The following VGLL4 variants were observed in gnomAD, a reference collection of about 807,000 sequenced individuals.
The protein encoded by VGLL4 is vestigial like family member 4, also known as transcription cofactor vestigial-like protein 4.
VGLL4 carries 7 observed loss-of-function variants against 21.0 expected under a neutral mutation model. That is an observed-to-expected ratio of 0.33 (90% CI 0.19 to 0.63). The LOEUF (loss-of-function observed/expected upper bound fraction) is 0.63, where lower values mean the gene tolerates loss of function less well. Ranked by LOEUF, VGLL4 falls within the 20% of genes least tolerant of loss-of-function variation. VGLL4 has a pLI of 0.78. For synonymous variants in VGLL4, 222 were observed against 173.2 expected, an observed-to-expected ratio of 1.28 and a Z score of -2.21; for missense variants, 394 against 425.7, an observed-to-expected ratio of 0.93 and a Z score of 0.66.
chr3:11,582,462 C>G (rs946270463), intron 2 of VGLL4: 4 of 1,230,236 alleles, frequency 3.3e-6, no homozygotes, highest in Admixed American at 5.3e-5. Flanking sequence ...TGCTTGCCCC[C>G]TGCACTGCAA....
At chr3:11,681,982 G>A (rs771425287) in intron 2 of VGLL4, among the ~76,000 whole-genome samples, 3 of 152,202 alleles carry the variant, frequency 2.0e-5, no homozygotes, top group Admixed American at 1.3e-4. Flanking sequence ...GATTTAGGCC[G>A]GGCACAGTGG....
rs142310753 is a variant in VGLL4 at position 11,558,658 on chromosome 3, G to C, written c.789C>G (p.Asp263Glu). ...CGGACTCAGGGCTGCTGGATGCTCC[G>C]TCCTTGGCCGCTTTGATCTGGAGCC... ...DTWLQIKAAKDGASSSPESAS... is the reference protein window; with the variant it reads ...DTWLQIKAAKEGASSSPESAS... The change falls in exon 5 of 5, where the codon GAC becomes GAG. Residue 263 changes from aspartate (D) to glutamate (E), a missense_variant. Transcript: ENST00000430365. 1 of 1,612,716 alleles carries C rather than the reference G, an allele frequency of 6.2e-7. No homozygotes were observed. Among genetic ancestry groups the C allele is most frequent in the Non-Finnish European group, 8.5e-7 (1 of 1,180,018 alleles).
intron 2 of VGLL4, among the ~76,000 whole-genome samples, chr3:11,658,629 T>G (rs2075989997): frequency 8.9e-6 from 1 of 112,204 alleles, no homozygotes; most frequent in Non-Finnish European, 1.8e-5. Flanking sequence ...ATACGCGAAC[T>G]ATTCCTGGAT....
intron 2 of VGLL4, among the ~76,000 whole-genome samples, chr3:11,657,077 T>C (rs1251821374): frequency 1.3e-5 from 2 of 152,170 alleles, no homozygotes; most frequent in Non-Finnish European, 2.9e-5. Context: ...AAAAGAGCAC[T>C]GGATACAGAG....
At chr3:11,604,280 T>A in intron 1 of VGLL4, 1 of 676,590 alleles carries the variant, frequency 1.5e-6, no homozygotes, top group Non-Finnish European at 1.7e-6. Context: ...TTTGCCTCAT[T>A]TGATGGATGA....
Position 11,714,866 on chromosome 3 carries a change from TGGC to T in VGLL4, c.-14+5525_-14+5527del, listed in dbSNP as rs370711587. The stretch of plus-strand genomic sequence containing the variant: ...AAAGATGAATTTGGGCTGGGCGCAG[TGGC>T]TCACGCCTGTAACCCCAGCAGTTTG... On this transcript the variant is annotated intron_variant, in intron 1 of 5. Coordinates refer to the VGLL4 transcript ENST00000273038. Among the ~76,000 whole-genome samples the T allele has an allele frequency of 3.0e-4, 45 of 152,308 alleles. No homozygotes were observed. The East Asian group carries it at 8.7e-3, about 29-fold the overall frequency.
chr3:11,588,675 AG>A (rs1181474431), intron 2 of VGLL4, among the ~76,000 whole-genome samples: 1 of 152,266 alleles, frequency 6.6e-6, no homozygotes, highest in African/African-American at 2.4e-5. Flanking sequence ...AGGCAATGAC[AG>A]GAGGAAGGAG....
At chr3:11,606,623 C>T (rs532877875) in intron 1 of VGLL4, among the ~76,000 whole-genome samples, 1 of 152,242 alleles carries the variant, frequency 6.6e-6, no homozygotes, top group African/African-American at 2.4e-5. Context: ...CCAATCAGTG[C>T]TCTGTGGCTA....
intron 2 of VGLL4, among the ~76,000 whole-genome samples, chr3:11,657,636 T>A (rs1037693154): frequency 6.6e-6 from 1 of 152,260 alleles, no homozygotes; most frequent in South Asian, 2.1e-4. Flanking sequence ...AATGAAGAGA[T>A]CTAAAACTCC....
intron 2 of VGLL4, among the ~76,000 whole-genome samples, chr3:11,587,122 G>C (rs1189422297): frequency 6.6e-6 from 1 of 152,236 alleles, no homozygotes; most frequent in African/African-American, 2.4e-5. Flanking sequence ...GCCATCTTCT[G>C]AGTAATAATA....
rs536980172 is a variant in VGLL4 at position 11,598,746 on chromosome 3, C to A, written c.272+3087G>T. Among the ~76,000 whole-genome samples, 72 of 152,320 alleles carry A rather than the reference C, an allele frequency of 4.7e-4. No individual in the cohort carries two copies. In the Middle Eastern group the frequency reaches 0.01, roughly 22 times the overall value. On this transcript the variant is annotated intron_variant, in intron 2 of 4. Transcript: ENST00000430365. ...GGCTCAAGCAATCTGCCTGCCTCAG[C>A]CTCCTAAAGTGCTGGAATTACAGGC...
chr3:11,646,417 G>A (rs6792587), upstream of VGLL4, among the ~76,000 whole-genome samples: 13,899 of 152,118 alleles, frequency 0.091, 771 homozygotes, highest in South Asian at 0.17. Context: ...TTAGAACCAG[G>A]GGGGAGCTTT....
chr3:11,632,010 T>C (rs1258276388), intron 1 of VGLL4, among the ~76,000 whole-genome samples: 4 of 152,162 alleles, frequency 2.6e-5, no homozygotes, highest in Non-Finnish European at 5.9e-5. Context: ...AATCCATCAA[T>C]TTCTTAAGCC....
intron 2 of VGLL4, among the ~76,000 whole-genome samples, chr3:11,601,203 A>G (rs2074787685): frequency 6.6e-6 from 1 of 152,236 alleles, no homozygotes; most frequent in Non-Finnish European, 1.5e-5. Flanking sequence ...CTGAGGCCCA[A>G]AGAGTTGAAG....
chr3:11,672,812 C>G (rs1004546993), intron 2 of VGLL4, among the ~76,000 whole-genome samples: 1 of 152,186 alleles, frequency 6.6e-6, no homozygotes, highest in Non-Finnish European at 1.5e-5. Context: ...AAGGCAGAGA[C>G]AGCCAATGAT....
upstream of VGLL4, among the ~76,000 whole-genome samples, chr3:11,646,213 G>A (rs1304760933): frequency 2.0e-5 from 3 of 152,202 alleles, no homozygotes; most frequent in Admixed American, 1.3e-4. Flanking sequence ...TGGTGGGGAG[G>A]GTTGAAGAAA....
At chr3:11,645,001 T>A (rs7645318), upstream of VGLL4, among the ~76,000 whole-genome samples, 77,618 of 151,750 alleles carry the variant, frequency 0.51, 20,127 homozygotes, top group East Asian at 0.57. Context: ...GGCATGTATG[T>A]CACCCACCTG....
chr3:11,705,776 G>A (rs979468521), intron 1 of VGLL4, among the ~76,000 whole-genome samples: 2 of 152,194 alleles, frequency 1.3e-5, no homozygotes, highest in Non-Finnish European at 2.9e-5. Context: ...CAAAAAATTA[G>A]CCAGGCGCGG....
intron 2 of VGLL4, among the ~76,000 whole-genome samples, chr3:11,569,075 G>GA (rs1575387215): frequency 6.6e-6 from 1 of 152,228 alleles, no homozygotes; most frequent in African/African-American, 2.4e-5. Context: ...AACATCTGGG[G>GA]AAAAGTAAAC....
Sources: gnomAD v4.1 joint callset for allele counts (sites outside exome capture counted in the v4.1 genomes callset) on GRCh38, gnomAD v4.1.1 for gene constraint, MANE v1.5 for transcripts, NCBI Gene and HGNC (gene_info 2026-07-23, HGNC 2026-07-21) for gene names.